The following GPC6 variants were observed in gnomAD, a reference collection of about 807,000 sequenced individuals.
The protein encoded by GPC6 is glypican-6.
GPC6 carries 14 observed loss-of-function variants against 55.2 expected under a neutral mutation model. The ratio of observed to expected loss-of-function variants is 0.25; its 90% CI spans 0.17 to 0.40. The LOEUF is 0.40. GPC6 is among the 10% of genes least tolerant of loss of function. GPC6 has a pLI of 1.00. For missense variants in GPC6, 641 were observed against 708.5 expected, an observed-to-expected ratio of 0.90 and a Z score of 1.08; for synonymous variants, 278 against 259.6, an observed-to-expected ratio of 1.07 and a Z score of -0.68.
At chr13:93,829,683 A>G (rs1327491280) in intron 2 of GPC6, among the ~76,000 whole-genome samples, 1 of 152,222 alleles carries the variant, frequency 6.6e-6, no homozygotes, top group Non-Finnish European at 1.5e-5. Context: ...ATATGACATT[A>G]ATTTGAACAT....
At chr13:94,203,657 T>C (rs1326611017) in intron 4 of GPC6, among the ~76,000 whole-genome samples, 9 of 152,162 alleles carry the variant, frequency 5.9e-5, no homozygotes, top group Non-Finnish European at 1.2e-4. Flanking sequence ...TTCTACATTA[T>C]GTTTATTGGG....
intron 3 of GPC6, among the ~76,000 whole-genome samples, chr13:93,875,915 T>C (rs1187107335): frequency 2.0e-5 from 3 of 152,034 alleles, no homozygotes; most frequent in Non-Finnish European, 2.9e-5. Flanking sequence ...TCAAAATTAA[T>C]AACATCTTTC....
At chr13:94,133,587 G>A (rs942876557) in intron 4 of GPC6, among the ~76,000 whole-genome samples, 4 of 152,082 alleles carry the variant, frequency 2.6e-5, no homozygotes, top group Non-Finnish European at 5.9e-5. Context: ...CAGCTTTCCA[G>A]GTATGATTTC....
chr13:94,337,201 G>A (rs963650445), intron 6 of GPC6, among the ~76,000 whole-genome samples: 2 of 152,162 alleles, frequency 1.3e-5, no homozygotes, highest in African/African-American at 2.4e-5. Flanking sequence ...AGAAGACCTG[G>A]ATCTGGGTTC....
At chr13:93,686,551 C>G (rs567500748) in intron 2 of GPC6, among the ~76,000 whole-genome samples, 20 of 152,220 alleles carry the variant, frequency 1.3e-4, no homozygotes, top group Non-Finnish European at 2.5e-4. Flanking sequence ...ATCTTGGTTT[C>G]ACTACAGCAT....
intron 1 of GPC6, among the ~76,000 whole-genome samples, chr13:93,263,546 G>T (rs1199669143): frequency 6.6e-6 from 1 of 151,840 alleles, no homozygotes; most frequent in African/African-American, 2.4e-5. Flanking sequence ...TGCATTTTTA[G>T]TAGAGACAGG....
chr13:93,810,045 A>G (rs528180244), intron 2 of GPC6, among the ~76,000 whole-genome samples: 3 of 152,252 alleles, frequency 2.0e-5, no homozygotes, highest in Admixed American at 1.3e-4. Flanking sequence ...TTGTTCTTAA[A>G]GAAAGCTCCC....
At chr13:93,463,862 T>C (rs1239899492) in intron 1 of GPC6, among the ~76,000 whole-genome samples, 1 of 152,160 alleles carries the variant, frequency 6.6e-6, no homozygotes, top group Non-Finnish European at 1.5e-5. Context: ...CACCCTGCTC[T>C]TCTTTGCTTA....
At chr13:93,943,958 A>G (rs749624540) in intron 3 of GPC6, among the ~76,000 whole-genome samples, 3 of 152,130 alleles carry the variant, frequency 2.0e-5, no homozygotes, top group Non-Finnish European at 4.4e-5. Flanking sequence ...AAATGACAGA[A>G]TCAGTTACAG....
intron 2 of GPC6, among the ~76,000 whole-genome samples, chr13:93,566,620 G>T (rs1344797913): frequency 6.6e-6 from 1 of 151,742 alleles, no homozygotes; most frequent in Non-Finnish European, 1.5e-5. Flanking sequence ...GAACATGCAG[G>T]TTTGTTACAT....
At chr13:94,003,511 TTTTAA>T (rs1346471295) in intron 3 of GPC6, among the ~76,000 whole-genome samples, 1 of 152,180 alleles carries the variant, frequency 6.6e-6, no homozygotes, top group Non-Finnish European at 1.5e-5. Context: ...TAAAATGCCA[TTTTAA>T]TTTATCTCCT....
chr13:94,174,052 CA>C (rs1247711747), intron 4 of GPC6, among the ~76,000 whole-genome samples: 2 of 152,100 alleles, frequency 1.3e-5, no homozygotes, highest in African/African-American at 4.8e-5. Context: ...CTACTAGTTA[CA>C]TATGATTTTA....
chr13:94,180,000 G>T (rs1292561063), intron 4 of GPC6, among the ~76,000 whole-genome samples: 1 of 152,166 alleles, frequency 6.6e-6, no homozygotes, highest in Non-Finnish European at 1.5e-5. Context: ...AAACTCAATA[G>T]TGAGATGAGT....
At chr13:93,798,773 G>T (rs1886279207) in intron 2 of GPC6, among the ~76,000 whole-genome samples, 1 of 151,940 alleles carries the variant, frequency 6.6e-6, no homozygotes, top group Non-Finnish European at 1.5e-5. Flanking sequence ...ACAAAAATTA[G>T]CAGGGCATGG....
At chr13:93,553,909 T>TGGGC (rs3057008) in intron 2 of GPC6, among the ~76,000 whole-genome samples, 130,954 of 148,722 alleles carry the variant, frequency 0.88, 58,003 homozygotes, top group Middle Eastern at 0.92. Flanking sequence ...GATGCTGAGG[T>TGGGC]GGATCACCTG....
chr13:93,997,447 G>A (rs1331330536), intron 3 of GPC6, among the ~76,000 whole-genome samples: 2 of 152,152 alleles, frequency 1.3e-5, no homozygotes, highest in East Asian at 3.9e-4. Flanking sequence ...TTGGTCAGGG[G>A]AAACTGAGGG....
chr13:93,803,423 A>G (rs1886440736), intron 2 of GPC6, among the ~76,000 whole-genome samples: 2 of 152,210 alleles, frequency 1.3e-5, no homozygotes, highest in Admixed American at 1.3e-4. Flanking sequence ...TAATAAAAAA[A>G]GACATGACAA....
chr13:93,456,123 C>G (rs944910289), intron 1 of GPC6, among the ~76,000 whole-genome samples: 5 of 152,130 alleles, frequency 3.3e-5, no homozygotes, highest in African/African-American at 1.2e-4. Context: ...TCTTGACTTT[C>G]TCTGCACCTG....
intron 1 of GPC6, among the ~76,000 whole-genome samples, chr13:93,379,860 G>A (rs996269213): frequency 6.6e-6 from 1 of 151,430 alleles, no homozygotes; most frequent in Non-Finnish European, 1.5e-5. Flanking sequence ...AAACAAAAAG[G>A]TGCTATCGTC....
Sources: gnomAD v4.1 joint callset for allele counts (sites outside exome capture counted in the v4.1 genomes callset) on GRCh38, gnomAD v4.1.1 for gene constraint, MANE v1.5 for transcripts, NCBI Gene and HGNC (gene_info 2026-07-23, HGNC 2026-07-21) for gene names.